The following ABCC12 variants were observed in gnomAD, a reference collection of about 807,000 sequenced individuals.
The protein encoded by ABCC12 is ATP binding cassette subfamily C member 12.
Under a neutral mutation model 151.1 loss-of-function variants are expected in ABCC12, and 142 were observed. The ratio of observed to expected loss-of-function variants is 0.94; its 90% CI spans 0.82 to 1.08. The LOEUF is 1.08. ABCC12 is among the 50% of genes least tolerant of loss of function. ABCC12 has a pLI of 0.00. For synonymous variants in ABCC12, 645 were observed against 646.4 expected, an observed-to-expected ratio of 1.00 and a Z score of 0.03; for missense variants, 1,638 against 1,691.1, an observed-to-expected ratio of 0.97 and a Z score of 0.55.
chr16:48,108,582 G>A lies in ABCC12; in HGVS notation c.2282-53C>T, dbSNP rs535678622. 109 of 1,500,586 alleles carry A rather than the reference G, an allele frequency of 7.3e-5. No individual in the cohort carries two copies. In the South Asian group the frequency reaches 1.1e-3, roughly 15 times the overall value. The allele number at this position is 1,500,586 out of a possible 1,614,324, so 93.0% of individuals were successfully genotyped here. The stretch of plus-strand genomic sequence containing the variant: ...CTCTCACCACTGGGGTGGGGGCCCA[G>A]CGAGGTAGGCACGGCCCCTCCACAG... On this transcript the variant is annotated intron_variant, in intron 18 of 30. Transcript: ENST00000311303.
chr16:48,138,340 C>A lies in ABCC12; in HGVS notation c.867G>T (p.Arg289Ser). The A allele has an allele frequency of 6.2e-7, 1 of 1,613,700 alleles. No individual in the cohort carries two copies. The highest frequency in any genetic ancestry group is 8.5e-7 in the Non-Finnish European group (1 of 1,179,678). Reference sequence around the variant, plus strand: ...GCTTGTCTGTCACCAAAATTGCTGACCTTCGGAAAGCTGAATTGAGCTTGG... The same window carrying A: ...GCTTGTCTGTCACCAAAATTGCTGAACTTCGGAAAGCTGAATTGAGCTTGG... ...FMAKLNSAFR[R>S]SAILVTDKRV... The change falls in exon 8 of 31, where the codon AGG becomes AGT. Residue 289 changes from arginine to serine, a missense_variant. Coordinates refer to ENST00000311303, the MANE Select transcript of ABCC12 (RefSeq NM_001393797.1).
At chr16:48,140,290 A>G (rs909527396) in intron 6 of ABCC12, among the ~76,000 whole-genome samples, 14 of 152,086 alleles carry the variant, frequency 9.2e-5, no homozygotes, top group Non-Finnish European at 1.8e-4. Context: ...TCCAATAGGC[A>G]TGGTCTTCAT....
At chr16:48,121,502 T>C (rs1964065636) in intron 13 of ABCC12, 1 of 540,378 alleles carries the variant, frequency 1.9e-6, no homozygotes, top group Non-Finnish European at 3.2e-6. Context: ...TTCTATCCTC[T>C]TCCCAGTGTG....
At chr16:48,138,431 C>T in intron 7 of ABCC12, 56 bp from the exon 8 acceptor site, 1 of 1,540,720 alleles carries the variant, frequency 6.5e-7, no homozygotes, top group Non-Finnish European at 8.8e-7. Context: ...TGCAGCTGGC[C>T]TAAAAATCCA....
Position 48,121,740 on chromosome 16 carries a change from A to G in ABCC12, c.1688T>C (p.Phe563Ser). The stretch of plus-strand genomic sequence containing the variant: ...CCTTTGGTGATCATACTTTTCTCCA[A>G]AGAGTATGTTTTCTCTCACATTTCC... ...FHGNVRENILFGEKYDHQRYQ... is the reference protein window; with the variant it reads ...FHGNVRENILSGEKYDHQRYQ... The change falls in exon 13 of 31, where the codon TTT (phenylalanine) becomes TCT (serine). Residue 563 changes from phenylalanine to serine, a missense_variant. Phe to Ser is a radical substitution (Grantham distance 155, BLOSUM62 -2). Coordinates refer to ENST00000311303, the MANE Select transcript of ABCC12 (RefSeq NM_001393797.1). 6.2e-7 allele frequency: 1 copy of G among 1,614,164 alleles called. No homozygotes were observed. The highest frequency in any genetic ancestry group is 8.5e-7 in the Non-Finnish European group (1 of 1,180,030).
chr16:48,133,949 T>C, intron 8 of ABCC12, 114 bp from the exon 9 acceptor site: 2 of 1,292,678 alleles, frequency 1.5e-6, no homozygotes, highest in South Asian at 3.0e-5. Context: ...TGAGTCCTGT[T>C]GTGAAGTTTA....
chr16:48,144,128 G>A, intron 3 of ABCC12, 63 bp from the exon 4 acceptor site: 1 of 1,546,022 alleles, frequency 6.5e-7, no homozygotes, highest in Non-Finnish European at 8.7e-7. Context: ...CTCTCTCTCT[G>A]GATTGAACTT....
At chr16:48,133,546 T>C (rs1195262449) in intron 9 of ABCC12, 141 bp downstream of exon 9, 2 of 927,118 alleles carry the variant, frequency 2.2e-6, no homozygotes, top group East Asian at 5.8e-5. Flanking sequence ...AAAAAAAAAG[T>C]TGGAGTTGAA....
chr16:48,115,692 G>T, intron 14 of ABCC12, 74 bp from the exon 15 acceptor site: 1 of 1,452,452 alleles, frequency 6.9e-7, no homozygotes, highest in Non-Finnish European at 9.3e-7. Flanking sequence ...GCTTCCTGGA[G>T]CTTCTCAGGA....
chr16:48,087,855 A>G (rs1269869212), intron 27 of ABCC12, 71 bp downstream of exon 27: 13 of 1,530,296 alleles, frequency 8.5e-6, no homozygotes, highest in Non-Finnish European at 1.2e-5. Flanking sequence ...CCCTGGGGAC[A>G]TCACAAAGTT....
intron 23 of ABCC12, among the ~76,000 whole-genome samples, 172 bp downstream of exon 23, chr16:48,100,700 T>C (rs191651868): frequency 7.2e-5 from 11 of 152,342 alleles, no homozygotes; most frequent in Admixed American, 5.9e-4. Context: ...GGGCCCAAGA[T>C]GCTGGAAGAG....
chr16:48,128,705 G>A lies in ABCC12; in HGVS notation c.1269C>T (p.Tyr423=). 1 of 1,613,910 alleles carries A rather than the reference G, an allele frequency of 6.2e-7. No individual in the cohort carries two copies. Among genetic ancestry groups the A allele is most frequent in the South Asian group, 1.1e-5 (1 of 91,080 alleles). ...TATCTGGGTCTTCTGGTTGGGTGAT[G>A]TAAGATGGGGGGCTTTTATCTATGA... The part of the protein sequence containing the change: ...KILIDKSPPS[Y]ITQPEDPDTV... The change falls in exon 11 of 31, where the codon TAC becomes TAT. Residue 423 remains tyrosine, a synonymous_variant. Coordinates refer to ENST00000311303, the MANE Select transcript of ABCC12 (RefSeq NM_001393797.1).
intron 11 of ABCC12, among the ~76,000 whole-genome samples, chr16:48,124,592 C>T (rs1379282397): frequency 6.6e-6 from 1 of 152,228 alleles, no homozygotes; most frequent in Non-Finnish European, 1.5e-5. Context: ...GAGACACAGG[C>T]CTTGAACAGG....
Position 48,104,218 on chromosome 16 carries a change from C to T in ABCC12, c.2824G>A (p.Val942Met), listed in dbSNP as rs377117322. ...GCAGGAAACACAGCAGCCAAGATCACGAGAATAAACACCACCATAAAAAAC... is the reference window on the plus strand; with the variant it reads ...GCAGGAAACACAGCAGCCAAGATCATGAGAATAAACACCACCATAAAAAAC... ...QQFFMVVFIL[V>M]ILAAVFPAVL... The change falls in exon 22 of 31, where the codon GTG becomes ATG. Residue 942 changes from valine (V) to methionine (M), a missense_variant. Transcript: ENST00000311303. 6.8e-6 allele frequency: 11 copies of T among 1,614,094 alleles called. No homozygotes were observed. Among genetic ancestry groups the T allele is most frequent in the South Asian group, 3.3e-5 (3 of 91,084 alleles).
chr16:48,096,922 G>A lies in ABCC12; in HGVS notation c.3039-20C>T. ...AGGTGACTGGAGTTTTCGTCGTTTA[G>A]CGTCTTAAACCTACAGTCAAGAAAA... On this transcript the variant is annotated intron_variant, in intron 23 of 30. Transcript: ENST00000311303. 1 of 1,614,080 alleles carries A rather than the reference G, an allele frequency of 6.2e-7. No homozygotes were observed. The highest frequency in any genetic ancestry group is 8.5e-7 in the Non-Finnish European group (1 of 1,180,036).
At chr16:48,151,099 C>A (rs377402744) in intron 2 of ABCC12, among the ~76,000 whole-genome samples, 7 of 152,140 alleles carry the variant, frequency 4.6e-5, no homozygotes, top group Non-Finnish European at 8.8e-5. Flanking sequence ...AAAAAAATAG[C>A]AACTTTGCAG....
intron 3 of ABCC12, 139 bp from the exon 4 acceptor site, chr16:48,144,204 C>G: frequency 8.8e-7 from 1 of 1,137,354 alleles, no homozygotes; most frequent in South Asian, 1.7e-5. Context: ...GTTTATTAGC[C>G]CTTTGAGCAG....
chr16:48,124,412 G>A, intron 11 of ABCC12, 128 bp from the exon 12 acceptor site: 1 of 849,454 alleles, frequency 1.2e-6, no homozygotes, highest in South Asian at 1.4e-5. Flanking sequence ...GCAGGCTCTG[G>A]GGCATGGCAG....
intron 25 of ABCC12, among the ~76,000 whole-genome samples, chr16:48,089,837 GA>G (rs1962803237): frequency 2.0e-5 from 3 of 152,084 alleles, no homozygotes; most frequent in Admixed American, 2.0e-4. Context: ...ATGCATAATT[GA>G]ATAATTGATT....
Sources: allele counts gnomAD v4.1 joint callset (sites outside exome capture counted in the v4.1 genomes callset), GRCh38; gene constraint gnomAD v4.1.1; transcripts MANE v1.5; gene names NCBI Gene and HGNC (gene_info 2026-07-23, HGNC 2026-07-21).